The following CLASP2 variants were observed in gnomAD, a reference collection of about 807,000 sequenced individuals.
CLASP2 encodes the protein cytoplasmic linker associated protein 2.
A neutral mutation model predicts 194.4 loss-of-function variants in CLASP2; 47 were observed. The ratio of observed to expected loss-of-function variants is 0.24; its 90% CI spans 0.19 to 0.31. The LOEUF is 0.31. Among genes scored for constraint, CLASP2 ranks in the 10% least tolerant of loss-of-function variants. The pLI is 1.00. For missense variants in CLASP2, 1,445 were observed against 1,823.6 expected (o/e 0.79, Z 3.78); for synonymous variants, 619 against 633.5 (o/e 0.98, Z 0.34).
At chr3:33,525,278 T>G (rs9816270) in intron 34 of CLASP2, among the ~76,000 whole-genome samples, 6,875 of 152,058 alleles carry the variant, frequency 0.045, 252 homozygotes, top group African/African-American at 0.11. Flanking sequence ...GGGAAATTTA[T>G]AGCTATAAAT....
rs757733632 is a variant in CLASP2 at position 33,584,769 on chromosome 3, A to G, written c.2220T>C (p.Ser740=). The G allele has an allele frequency of 6.2e-7, 1 of 1,608,636 alleles. No homozygotes were observed. Among genetic ancestry groups the G allele is most frequent in the South Asian group, 1.1e-5 (1 of 90,298 alleles). ...PRSQGCSREA[S]PSRLSVARSS... ...TCTTACCCACTGAAAGCCTAGATGG[A>G]CTAGCCTCTCTGCTACAGCCCTGGC... Residue 740 remains serine (S), a synonymous_variant, in exon 22 of 39, where the codon AGT becomes AGC. Coordinates refer to ENST00000682230, the MANE Select transcript of CLASP2 (RefSeq NM_001365631.1).
chr3:33,602,395 T>C (rs2072500575), intron 18 of CLASP2: 1 of 638,526 alleles, frequency 1.6e-6, no homozygotes, highest in South Asian at 1.8e-5. Context: ...CTGCTTAGTG[T>C]TCCAGCAGTA....
intron 13 of CLASP2, 61 bp from the exon 14 acceptor site, chr3:33,608,687 T>G (rs2074425186): frequency 2.8e-6 from 3 of 1,082,888 alleles, no homozygotes. Flanking sequence ...TAACACTTTC[T>G]TTTATACTAC....
At chr3:33,561,876 T>C (rs2154179791) in intron 27 of CLASP2, among the ~76,000 whole-genome samples, 1 of 152,222 alleles carries the variant, frequency 6.6e-6, no homozygotes, top group Middle Eastern at 3.6e-3. Context: ...CAAATCATAA[T>C]AAACATTTTG....
intron 11 of CLASP2, among the ~76,000 whole-genome samples, chr3:33,621,191 T>G (rs896418799): frequency 6.6e-6 from 1 of 152,120 alleles, no homozygotes; most frequent in African/African-American, 2.4e-5. Flanking sequence ...AGGACAAAAT[T>G]CATACTGTTC....
chr3:33,596,081 G>T (rs574402360), intron 19 of CLASP2, among the ~76,000 whole-genome samples: 1 of 151,824 alleles, frequency 6.6e-6, no homozygotes, highest in South Asian at 2.1e-4. Flanking sequence ...TATGGTATCT[G>T]CTGAAGTGAA....
chr3:33,608,674 C>G, intron 13 of CLASP2, 48 bp from the exon 14 acceptor site: 1 of 1,160,270 alleles, frequency 8.6e-7, no homozygotes, highest in Non-Finnish European at 1.2e-6. Flanking sequence ...TTGAGAAATA[C>G]ATTAACACTT....
intron 7 of CLASP2, among the ~76,000 whole-genome samples, chr3:33,645,954 A>G (rs1428466182): frequency 6.6e-6 from 1 of 151,404 alleles, no homozygotes; most frequent in Middle Eastern, 3.2e-3. Flanking sequence ...ACACACACAC[A>G]CACACACACA....
At chr3:33,691,603 C>A (rs1445500812) in intron 2 of CLASP2, among the ~76,000 whole-genome samples, 1 of 152,146 alleles carries the variant, frequency 6.6e-6, no homozygotes, top group Non-Finnish European at 1.5e-5. Flanking sequence ...TCTCATACAT[C>A]TTGGATGTAC....
chr3:33,574,604 G>T (rs955221344), intron 24 of CLASP2: 5 of 621,168 alleles, frequency 8.0e-6, no homozygotes, highest in South Asian at 2.1e-5. Flanking sequence ...GAAACATTAC[G>T]TTTTTTTCAC....
intron 29 of CLASP2, among the ~76,000 whole-genome samples, chr3:33,555,705 C>T (rs1318273818): frequency 6.6e-6 from 1 of 152,166 alleles, no homozygotes; most frequent in African/African-American, 2.4e-5. Flanking sequence ...CATCCTCTCT[C>T]AGTGTGAATA....
chr3:33,498,816 T>C (rs1320244858), intron 38 of CLASP2, 99 bp from the exon 39 acceptor site: 19 of 556,822 alleles, frequency 3.4e-5, no homozygotes, highest in Admixed American at 9.7e-5. Flanking sequence ...CTCTGAAAGA[T>C]AGATTTTAGG....
intron 1 of CLASP2, among the ~76,000 whole-genome samples, chr3:33,715,134 T>A (rs996222870): frequency 6.6e-6 from 1 of 152,240 alleles, no homozygotes; most frequent in Non-Finnish European, 1.5e-5. Context: ...TTGACTCTTA[T>A]GTTTCTTCAG....
rs377251821 is a variant in CLASP2 at position 33,570,809 on chromosome 3, G to A, written c.2700-19C>T. The A allele has an allele frequency of 1.1e-4, 164 of 1,556,234 alleles. No homozygotes were observed. In the African/African-American group the frequency reaches 1.7e-3, roughly 16 times the overall value. On this transcript the variant is annotated intron_variant, in intron 25 of 38. Transcript: ENST00000682230. ...AACTCGACTGCCAAGATAATACAGC[G>A]GTTAATTAATATCTTGCTGTAGCAA...
intron 6 of CLASP2, among the ~76,000 whole-genome samples, chr3:33,672,008 G>C (rs2087357338): frequency 6.6e-6 from 1 of 152,182 alleles, no homozygotes; most frequent in Non-Finnish European, 1.5e-5. Flanking sequence ...TCCACCTCTG[G>C]GGGCAGGGCA....
Position 33,514,308 on chromosome 3 carries a change from C to A in CLASP2, c.4110+1715G>T, listed in dbSNP as rs79314003. Reference sequence around the variant, plus strand: ...AGCCAATTTTTTTTTTTAAATGTTACCTCTAGCTGACCACTAAGCTAATAA... The same window carrying A: ...AGCCAATTTTTTTTTTTAAATGTTAACTCTAGCTGACCACTAAGCTAATAA... On this transcript the variant is annotated intron_variant, in intron 36 of 38. Coordinates refer to ENST00000682230, the MANE Select transcript of CLASP2 (RefSeq NM_001365631.1). Among the ~76,000 whole-genome samples the A allele has an allele frequency of 1.1e-3, 170 of 152,034 alleles. 6 individuals carry two copies. In the East Asian group the frequency reaches 0.028, roughly 25 times the overall value.
intron 21 of CLASP2, chr3:33,588,585 C>T: frequency 3.6e-6 from 2 of 551,762 alleles, no homozygotes; most frequent in Non-Finnish European, 3.2e-6. Context: ...ATTTCTGCCC[C>T]AGTATGACTA....
chr3:33,602,847 T>C (rs1449425197), intron 18 of CLASP2, 105 bp downstream of exon 18: 3 of 1,152,602 alleles, frequency 2.6e-6, no homozygotes, highest in East Asian at 5.1e-5. Context: ...ATATGGACTA[T>C]CCTTAAATAA....
intron 18 of CLASP2, among the ~76,000 whole-genome samples, chr3:33,600,083 T>A (rs116142051): frequency 0.012 from 1,801 of 149,646 alleles, 19 homozygotes; most frequent in South Asian, 0.03. Flanking sequence ...ATATATATAT[T>A]TTTTTTGTGT....
Sources: gnomAD v4.1 joint callset for allele counts (sites outside exome capture counted in the v4.1 genomes callset) on GRCh38, gnomAD v4.1.1 for gene constraint, MANE v1.5 for transcripts, NCBI Gene and HGNC (gene_info 2026-07-23, HGNC 2026-07-21) for gene names.